Variants in RNF169 observed in about 807,000 individuals in gnomAD.
The protein encoded by RNF169 is E3 ubiquitin-protein ligase RNF169.
A neutral mutation model predicts 53.9 loss-of-function variants in RNF169; 24 were observed. The observed-to-expected ratio is 0.45, with a 90% confidence interval of 0.32 to 0.63. RNF169 has a LOEUF of 0.63. Among genes scored for constraint, RNF169 ranks in the 20% least tolerant of loss-of-function variants. The pLI is 0.04. For missense variants in RNF169, 883 were observed against 906.2 expected, an observed-to-expected ratio of 0.97 and a Z score of 0.33; for synonymous variants, 396 against 363.5, an observed-to-expected ratio of 1.09 and a Z score of -1.02.
At chr11:74,795,518 A>G (rs1389803515) in intron 2 of RNF169, among the ~76,000 whole-genome samples, 1 of 152,142 alleles carries the variant, frequency 6.6e-6, no homozygotes, top group Non-Finnish European at 1.5e-5. Flanking sequence ...CCACAAACAT[A>G]TGTGGGCAAA....
intron 2 of RNF169, 147 bp from the exon 3 acceptor site, chr11:74,810,037 A>G: frequency 4.6e-6 from 3 of 657,832 alleles, no homozygotes; most frequent in Non-Finnish European, 7.6e-6. Context: ...AGATTTACTT[A>G]GAAATCAAGA....
chr11:74,796,414 A>T (rs1181950930), intron 2 of RNF169, among the ~76,000 whole-genome samples: 1 of 152,216 alleles, frequency 6.6e-6, no homozygotes. Flanking sequence ...TTACTTCAGT[A>T]TTGATATCTT....
intron 1 of RNF169, among the ~76,000 whole-genome samples, chr11:74,767,973 C>G (rs961367439): frequency 6.6e-6 from 1 of 152,112 alleles, no homozygotes; most frequent in African/African-American, 2.4e-5. Flanking sequence ...GCCACTGTGC[C>G]CAGCCACTGT....
At position 74,803,659 on chromosome 11, in the gene RNF169, G is replaced by T. The variant is rs1446892234; in HGVS notation, c.577-6525G>T. ...TTTTAATCATCACCCAGCACCTGAG[G>T]TTTGTTAACAAGCATAACAGATGTT... On this transcript the variant is annotated intron_variant, in intron 2 of 5. Coordinates refer to ENST00000299563, the MANE Select transcript of RNF169 (RefSeq NM_001098638.2). Among the ~76,000 whole-genome samples, 5 of 152,102 alleles carry T rather than the reference G, an allele frequency of 3.3e-5. No individual in the cohort carries two copies. In the East Asian group the frequency reaches 9.6e-4, roughly 29 times the overall value.
chr11:74,764,452 G>C (rs1414496149), intron 1 of RNF169, among the ~76,000 whole-genome samples: 1 of 152,216 alleles, frequency 6.6e-6, no homozygotes, highest in Non-Finnish European at 1.5e-5. Context: ...CTGAACCCAG[G>C]AGGCGGTGAG....
chr11:74,784,401 G>A (rs113478614), intron 1 of RNF169, among the ~76,000 whole-genome samples: 100 of 152,282 alleles, frequency 6.6e-4, no homozygotes, highest in African/African-American at 2.2e-3. Context: ...GACTCAATAC[G>A]TAGTTGTATT....
chr11:74,750,844 C>G (rs1420443477), intron 1 of RNF169, among the ~76,000 whole-genome samples: 1 of 148,192 alleles, frequency 6.7e-6, no homozygotes, highest in Non-Finnish European at 1.5e-5. Context: ...CCTTGTGATC[C>G]GCCCGCCTTG....
At chr11:74,813,051 C>T (rs2035895717) in intron 3 of RNF169, among the ~76,000 whole-genome samples, 1 of 152,220 alleles carries the variant, frequency 6.6e-6, no homozygotes, top group East Asian at 1.9e-4. Flanking sequence ...TTATTTATCT[C>T]TCCATGTCCA....
At chr11:74,752,704 A>G (rs1426777796) in intron 1 of RNF169, among the ~76,000 whole-genome samples, 1 of 151,944 alleles carries the variant, frequency 6.6e-6, no homozygotes, top group East Asian at 1.9e-4. Context: ...AAGGTTGTAC[A>G]TTATACACAC....
At chr11:74,795,418 A>G (rs1255867768) in intron 2 of RNF169, among the ~76,000 whole-genome samples, 1 of 152,016 alleles carries the variant, frequency 6.6e-6, no homozygotes, top group African/African-American at 2.4e-5. Flanking sequence ...CTCTGGGCTC[A>G]AGCAATCCTC....
chr11:74,834,454 A>G (rs533910048), intron 4 of RNF169, among the ~76,000 whole-genome samples: 1 of 152,348 alleles, frequency 6.6e-6, no homozygotes, highest in East Asian at 1.9e-4. Flanking sequence ...CTAGTTTGGA[A>G]ACAAAATCTT....
Position 74,755,534 on chromosome 11 carries a change from CCTTTT to C in RNF169, c.502+6157_502+6161del, listed in dbSNP as rs2034968708. ...AAAAAAAGATGAATAAGACATGGTA[CCTTTT>C]CTTTAAGACTCCACAGTGTGGTTGG... On this transcript the variant is annotated intron_variant, in intron 1 of 5. Transcript: ENST00000299563. Among the ~76,000 whole-genome samples, 5 of 152,288 alleles carry C rather than the reference CCTTTT, an allele frequency of 3.3e-5. 1 individual carries two copies. The South Asian group carries it at 1.0e-3, about 32-fold the overall frequency.
chr11:74,749,384 T>G lies in RNF169; in HGVS notation c.502+2T>G. ...CGCGTGCCGCGCCTGCGGAGCCAGG[T>G]GGAGCTTCCCCACTTCCCCTTAGGG... On this transcript the variant is annotated splice_donor_variant, in intron 1 of 5. Coordinates refer to ENST00000299563, the MANE Select transcript of RNF169 (RefSeq NM_001098638.2). LOFTEE classifies it high-confidence loss of function. 2 of 1,243,842 alleles carry G rather than the reference T, an allele frequency of 1.6e-6. No homozygotes were observed. The highest frequency in any genetic ancestry group is 6.2e-5 in the East Asian group (2 of 32,464). The allele number at this position is 1,243,842 out of a possible 1,614,324, so 77.1% of individuals were successfully genotyped here.
At chr11:74,829,815 G>A (rs2036152176) in intron 4 of RNF169, among the ~76,000 whole-genome samples, 1 of 151,984 alleles carries the variant, frequency 6.6e-6, no homozygotes. Flanking sequence ...GGACACATGT[G>A]GGGAAACTGG....
At chr11:74,825,459 T>C (rs542505268) in intron 4 of RNF169, among the ~76,000 whole-genome samples, 132 of 152,270 alleles carry the variant, frequency 8.7e-4, no homozygotes, top group African/African-American at 2.8e-3. Flanking sequence ...CAGGAAGAAA[T>C]TGAATCCCTC....
At position 74,835,867 on chromosome 11, in the gene RNF169, A is replaced by C; in HGVS notation, c.1264A>C (p.Thr422Pro). 6.2e-7 allele frequency: 1 copy of C among 1,614,172 alleles called. No individual in the cohort carries two copies. The highest frequency in any genetic ancestry group is 8.5e-7 in the Non-Finnish European group (1 of 1,180,006). The change falls in exon 6 of 6, where the codon ACT becomes CCT. Residue 422 changes from threonine to proline, a missense_variant. Thr to Pro is a conservative substitution (Grantham distance 38). Transcript: ENST00000299563. ...RNLNRSLQKQ[T>P]SYEASPRILK... Reference sequence around the variant, plus strand: ...CCTAAACAGAAGCCTGCAGAAGCAGACTTCTTATGAGGCCAGTCCACGGAT... The same window carrying C: ...CCTAAACAGAAGCCTGCAGAAGCAGCCTTCTTATGAGGCCAGTCCACGGAT...
chr11:74,841,588 T>G lies in RNF169; in HGVS notation c.*4858T>G, dbSNP rs961413568. The G allele has an allele frequency of 6.6e-6, 1 of 152,226 alleles. No individual in the cohort carries two copies. The highest frequency in any genetic ancestry group is 1.5e-5 in the Non-Finnish European group (1 of 68,048). The allele number at this position is 152,226 out of a possible 1,614,324, so 9.4% of individuals were successfully genotyped here. On this transcript the variant is annotated 3_prime_UTR_variant, in exon 6 of 6. Transcript: ENST00000299563. ...TGAGTAAATGCCTCCTTAATGCCTT[T>G]TAAGTAAGGTGGCAACTTTTAACTG...
chr11:74,755,908 A>G (rs2034974784), intron 1 of RNF169, among the ~76,000 whole-genome samples: 1 of 152,186 alleles, frequency 6.6e-6, no homozygotes, highest in Non-Finnish European at 1.5e-5. Flanking sequence ...TTTGGACTTT[A>G]TCCTATAAAG....
intron 1 of RNF169, among the ~76,000 whole-genome samples, chr11:74,787,840 T>C (rs946166310): frequency 6.6e-6 from 1 of 152,228 alleles, no homozygotes; most frequent in African/African-American, 2.4e-5. Flanking sequence ...ATGATATATA[T>C]GCAAGATATT....
Sources: gnomAD v4.1 joint callset for allele counts (sites outside exome capture counted in the v4.1 genomes callset) on GRCh38, gnomAD v4.1.1 for gene constraint, MANE v1.5 for transcripts, NCBI Gene and HGNC (gene_info 2026-07-23, HGNC 2026-07-21) for gene names.